LRRC7: variants seen among roughly 807,000 people sequenced by gnomAD.
LRRC7 encodes leucine rich repeat containing 7.
In LRRC7, 23 loss-of-function variants were observed where a neutral mutation model predicts 175.7. The ratio of observed to expected loss-of-function variants is 0.13; its 90% CI spans 0.09 to 0.19. The LOEUF (loss-of-function observed/expected upper bound fraction) is 0.19, where lower values mean the gene tolerates loss of function less well. Among genes scored for constraint, LRRC7 ranks in the 10% least tolerant of loss-of-function variants. LRRC7 has a pLI of 1.00. For synonymous variants in LRRC7, 685 were observed against 680.9 expected (o/e 1.01, Z -0.09); for missense variants, 1,354 against 1,904.7 (o/e 0.71, Z 5.38).
intron 8 of LRRC7, among the ~76,000 whole-genome samples, chr1:69,952,177 C>T (rs1273972793): frequency 2.0e-5 from 3 of 152,012 alleles, no homozygotes; most frequent in Admixed American, 6.6e-5. Flanking sequence ...ATTATTATCA[C>T]TGTTTCTGAA....
intron 8 of LRRC7, among the ~76,000 whole-genome samples, chr1:69,973,762 T>A (rs1652519159): frequency 6.6e-6 from 1 of 152,108 alleles, no homozygotes; most frequent in African/African-American, 2.4e-5. Context: ...ATTTTTGTAT[T>A]TTTAGTAGAG....
intron 7 of LRRC7, chr1:69,919,386 C>G (rs948808524): frequency 4.8e-6 from 3 of 627,408 alleles, no homozygotes; most frequent in Non-Finnish European, 8.4e-6. Context: ...TGCCGCCTGG[C>G]TGGGAAAAGC....
Position 70,077,070 on chromosome 1 carries a change from T to C in LRRC7, c.4452+772T>C, listed in dbSNP as rs908788816. 7.9e-5 allele frequency among the ~76,000 whole-genome samples: 12 copies of C among 152,276 alleles called. 1 individual carries two copies. The highest frequency in any genetic ancestry group is 6.5e-4 in the Admixed American group (10 of 15,292). The stretch of plus-strand genomic sequence containing the variant: ...ACATTCCTACTGACTTTTCTAACTT[T>C]TAATATGGTCTATAAAAGCTTCATT... On this transcript the variant is annotated intron_variant, in intron 24 of 26. Transcript: ENST00000651989.
intron 23 of LRRC7, among the ~76,000 whole-genome samples, chr1:70,074,089 C>T (rs1662591941): frequency 6.6e-6 from 1 of 151,950 alleles, no homozygotes. Context: ...GTAATCCCAG[C>T]TACTTGGGAG....
intron 3 of LRRC7, among the ~76,000 whole-genome samples, chr1:69,766,708 C>G (rs79141707): frequency 0.014 from 2,097 of 152,222 alleles, 31 homozygotes; most frequent in Admixed American, 0.054. Context: ...ACTGTGTGAA[C>G]TAACATTCTC....
chr1:69,790,236 G>A (rs1020145413), intron 3 of LRRC7, among the ~76,000 whole-genome samples: 1 of 151,990 alleles, frequency 6.6e-6, no homozygotes, highest in African/African-American at 2.4e-5. Flanking sequence ...AGATTGCACA[G>A]CTAGTAAATA....
At chr1:69,581,994 G>T (rs551898207) in intron 1 of LRRC7, among the ~76,000 whole-genome samples, 1 of 152,148 alleles carries the variant, frequency 6.6e-6, no homozygotes, top group South Asian at 2.1e-4. Flanking sequence ...GATCCATGCT[G>T]TGGGATTCTC....
At chr1:69,892,931 C>CT (rs1432212059) in intron 7 of LRRC7, among the ~76,000 whole-genome samples, 3 of 152,122 alleles carry the variant, frequency 2.0e-5, no homozygotes, top group African/African-American at 7.2e-5. Flanking sequence ...ATTACTTATG[C>CT]TAGTGTTGCT....
intron 7 of LRRC7, among the ~76,000 whole-genome samples, chr1:69,889,624 C>T (rs192756150): frequency 1.1e-4 from 17 of 152,202 alleles, no homozygotes; most frequent in Non-Finnish European, 1.2e-4. Flanking sequence ...CTGGGCAACA[C>T]GCCAAAGCTC....
At chr1:69,682,109 G>A (rs1660563980) in intron 2 of LRRC7, among the ~76,000 whole-genome samples, 1 of 152,086 alleles carries the variant, frequency 6.6e-6, no homozygotes, top group African/African-American at 2.4e-5. Context: ...TTGGCTGCCA[G>A]CTGAAGTCAC....
At chr1:69,843,251 A>T (rs1337813800) in intron 7 of LRRC7, among the ~76,000 whole-genome samples, 1 of 151,758 alleles carries the variant, frequency 6.6e-6, no homozygotes, top group Admixed American at 6.6e-5. Flanking sequence ...AAAAAGAGGG[A>T]CCTCCCGATT....
Position 69,918,336 on chromosome 1 carries a change from G to T in LRRC7, c.648-13171G>T, listed in dbSNP as rs1236105420. Among the ~76,000 whole-genome samples, 4 of 152,114 alleles carry T rather than the reference G, an allele frequency of 2.6e-5. No individual in the cohort carries two copies. The South Asian group carries it at 6.2e-4, about 24-fold the overall frequency. On this transcript the variant is annotated intron_variant, in intron 7 of 26. Transcript: ENST00000651989. ...GCCTGCCACAAAGAAGCACGTTATAGGAATGAATGAATGAATGATTGCTCA... is the reference window on the plus strand; with the variant it reads ...GCCTGCCACAAAGAAGCACGTTATATGAATGAATGAATGAATGATTGCTCA...
At chr1:69,701,358 C>G (rs1663329102) in intron 2 of LRRC7, among the ~76,000 whole-genome samples, 1 of 152,112 alleles carries the variant, frequency 6.6e-6, no homozygotes, top group South Asian at 2.1e-4. Context: ...ACCCTTAGGT[C>G]GGTGGAAACA....
At chr1:69,654,115 ATT>A (rs928157189) in intron 1 of LRRC7, among the ~76,000 whole-genome samples, 1 of 147,086 alleles carries the variant, frequency 6.8e-6, no homozygotes. Flanking sequence ...CATGTTATTT[ATT>A]TTTTTTTTTT....
intron 7 of LRRC7, among the ~76,000 whole-genome samples, chr1:69,856,944 C>T (rs1683717603): frequency 6.6e-6 from 1 of 152,164 alleles, no homozygotes; most frequent in Non-Finnish European, 1.5e-5. Context: ...CCCTGGGACG[C>T]AAGGCTGGTT....
chr1:69,964,215 A>G (rs985743809), intron 8 of LRRC7, among the ~76,000 whole-genome samples: 2 of 152,212 alleles, frequency 1.3e-5, no homozygotes, highest in African/African-American at 4.8e-5. Context: ...GCTAATGTCC[A>G]TTGAGCATTG....
At chr1:69,848,234 T>G (rs569511069) in intron 7 of LRRC7, among the ~76,000 whole-genome samples, 10 of 152,062 alleles carry the variant, frequency 6.6e-5, no homozygotes, top group African/African-American at 2.4e-4. Context: ...TCTGTGAGGG[T>G]TTTTTTGTTA....
chr1:69,667,290 T>G (rs1043940178), intron 1 of LRRC7, among the ~76,000 whole-genome samples: 3 of 152,192 alleles, frequency 2.0e-5, no homozygotes, highest in African/African-American at 7.2e-5. Context: ...AGCTCTTGGA[T>G]GAAATGTTCT....
chr1:69,654,408 C>G (rs1462430267), intron 1 of LRRC7, among the ~76,000 whole-genome samples: 2 of 151,934 alleles, frequency 1.3e-5, no homozygotes, highest in Non-Finnish European at 2.9e-5. Context: ...TCAACAAATT[C>G]AAGTGAGCAA....
Sources: allele counts gnomAD v4.1 joint callset (sites outside exome capture counted in the v4.1 genomes callset), GRCh38; gene constraint gnomAD v4.1.1; transcripts MANE v1.5; gene names NCBI Gene and HGNC (gene_info 2026-07-23, HGNC 2026-07-21).